The following FNBP1 variants were observed in gnomAD, a reference collection of about 807,000 sequenced individuals.
The protein encoded by FNBP1 is formin-binding protein 1.
A neutral mutation model predicts 90.6 loss-of-function variants in FNBP1; 26 were observed. The ratio of observed to expected loss-of-function variants is 0.29; its 90% confidence interval spans 0.21 to 0.40. FNBP1 has a LOEUF of 0.40. Ranked by LOEUF, FNBP1 falls within the 10% of genes least tolerant of loss-of-function variation. The pLI is 1.00. For synonymous variants in FNBP1, 260 were observed against 265.2 expected, an observed-to-expected ratio of 0.98 and a Z score of 0.19; for missense variants, 635 against 768.0, an observed-to-expected ratio of 0.83 and a Z score of 2.05.
chr9:129,924,873 G>T, intron 9 of FNBP1, 87 bp downstream of exon 9: 1 of 1,159,982 alleles, frequency 8.6e-7, no homozygotes, highest in Non-Finnish European at 1.2e-6. Context: ...GAAACTACAG[G>T]TTTAGGATCT....
At chr9:129,959,360 G>GGAGAATCACTTGAAC in intron 4 of FNBP1, among the ~76,000 whole-genome samples, 7 of 152,254 alleles carry the variant, frequency 4.6e-5, no homozygotes, top group African/African-American at 1.7e-4. Flanking sequence ...GGAGGCTGAA[G>GGAGAATCACTTGAAC]TGGGTGGATC....
intron 6 of FNBP1, among the ~76,000 whole-genome samples, chr9:129,955,830 A>AGT (rs1332777860): frequency 1.0e-4 from 8 of 77,262 alleles, no homozygotes; most frequent in Non-Finnish European, 7.4e-5. Flanking sequence ...TACTTCTTTT[A>AGT]GCGCGCACAC....
chr9:129,995,726 A>G (rs557277730), intron 1 of FNBP1, among the ~76,000 whole-genome samples: 3 of 152,348 alleles, frequency 2.0e-5, no homozygotes, highest in South Asian at 4.1e-4. Flanking sequence ...ATGCAAAGAC[A>G]TGGAGATATC....
At chr9:129,907,429 T>C (rs1215665501) in intron 12 of FNBP1, among the ~76,000 whole-genome samples, 1 of 152,210 alleles carries the variant, frequency 6.6e-6, no homozygotes, top group African/African-American at 2.4e-5. Flanking sequence ...AGAGCCAGAT[T>C]TGACCCCAGG....
intron 12 of FNBP1, among the ~76,000 whole-genome samples, chr9:129,903,816 C>A (rs2037434909): frequency 6.6e-6 from 1 of 152,086 alleles, no homozygotes; most frequent in Admixed American, 6.6e-5. Flanking sequence ...CAGGCATGAG[C>A]CACCGAATCT....
intron 4 of FNBP1, among the ~76,000 whole-genome samples, chr9:129,961,814 G>A (rs919250834): frequency 2.0e-5 from 3 of 152,240 alleles, no homozygotes; most frequent in Admixed American, 6.5e-5. Flanking sequence ...TCGAACTCCC[G>A]GCCTCAAGTG....
rs1248884010 is a variant in FNBP1, at chr9:130,043,042, T to G, written c.-67A>C. On this transcript the variant is annotated 5_prime_UTR_variant, in exon 1 of 17. Transcript: ENST00000446176. ...GCTCTCTGGTCCCCCTCCCCGGCGA[T>G]CCCTTTGCCCCCCGAGATCCCCGCG... 8.2e-7 allele frequency: 1 copy of G among 1,216,906 alleles called. No individual in the cohort carries two copies. Among genetic ancestry groups the G allele is most frequent in the Non-Finnish European group, 1.0e-6 (1 of 976,932 alleles). 75.4% of individuals were successfully genotyped at this position (1,216,906 alleles called of 1,614,324 possible).
At chr9:129,993,153 G>A (rs894768570) in intron 2 of FNBP1, among the ~76,000 whole-genome samples, 16 of 150,530 alleles carry the variant, frequency 1.1e-4, no homozygotes, top group Non-Finnish European at 2.4e-4. Flanking sequence ...CTTGAACCTG[G>A]GAGGCGGAGA....
intron 11 of FNBP1, chr9:129,914,793 A>ATATATATCTATC (rs1173294546): frequency 6.2e-6 from 1 of 161,448 alleles, no homozygotes; most frequent in African/African-American, 2.7e-5. Flanking sequence ...ATATATATAT[A>ATATATATCTATC]TCTCACCATA....
rs10988557 is a variant in FNBP1 at position 129,963,111 on chromosome 9, A to G, written c.346-4558T>C. ...GATTCAAAGACAGGAACAAAAAGAG[A>G]AAACCCCAGCACCAATTCAGAGCTG... is the stretch of plus-strand genomic sequence containing the variant. On this transcript the variant is annotated intron_variant, in intron 4 of 16. Transcript: ENST00000446176. Among the ~76,000 whole-genome samples the G allele has an allele frequency of 8.5e-3, 1,290 of 152,286 alleles. 8 individuals carry two copies. Among genetic ancestry groups the G allele is most frequent in the Non-Finnish European group, 0.014 (940 of 68,026 alleles).
chr9:129,963,634 T>TTAAA (rs139393699), intron 4 of FNBP1, among the ~76,000 whole-genome samples: 1 of 107,730 alleles, frequency 9.3e-6, no homozygotes, highest in African/African-American at 3.6e-5. Flanking sequence ...TTTTTTTTTT[T>TTAAA]AAAAAAACAA....
intron 1 of FNBP1, among the ~76,000 whole-genome samples, chr9:130,033,696 AAGTT>A (rs1272251751): frequency 6.6e-6 from 1 of 151,804 alleles, no homozygotes; most frequent in Non-Finnish European, 1.5e-5. Flanking sequence ...TTTTTTAAAA[AAGTT>A]AGCCAGGCCG....
chr9:129,894,727 T>TA (rs1223023181), intron 16 of FNBP1, among the ~76,000 whole-genome samples: 2 of 152,210 alleles, frequency 1.3e-5, no homozygotes, highest in Non-Finnish European at 2.9e-5. Flanking sequence ...CTCTGCCTTT[T>TA]AAGTAACTCC....
intron 6 of FNBP1, among the ~76,000 whole-genome samples, chr9:129,935,256 TG>T (rs1053068633): frequency 4.6e-5 from 7 of 151,718 alleles, no homozygotes; most frequent in African/African-American, 1.7e-4. Flanking sequence ...CCCCAAATGC[TG>T]GGATTACAGG....
At chr9:129,893,620 A>AAAAAAAAAAAAAAAAAAG (rs2035336997) in intron 16 of FNBP1, among the ~76,000 whole-genome samples, 1 of 125,750 alleles carries the variant, frequency 8.0e-6, no homozygotes, top group African/African-American at 3.1e-5. Context: ...CTCAAAAAAA[A>AAAAAAAAAAAAAAAAAAG]AAAAAAAAAA....
At chr9:129,927,956 C>T (rs895791667) in intron 7 of FNBP1, among the ~76,000 whole-genome samples, 1 of 152,082 alleles carries the variant, frequency 6.6e-6, no homozygotes, top group Non-Finnish European at 1.5e-5. Flanking sequence ...TTGTAATCTA[C>T]CTCAAACGTT....
upstream of FNBP1, among the ~76,000 whole-genome samples, chr9:130,044,317 T>TCTC (rs1348445945): frequency 2.6e-5 from 4 of 152,176 alleles, no homozygotes; most frequent in Non-Finnish European, 5.9e-5. Flanking sequence ...TGCTTATCAT[T>TCTC]CTCCTCCATT....
intron 1 of FNBP1, among the ~76,000 whole-genome samples, chr9:130,018,883 G>A (rs557406046): frequency 1.3e-5 from 2 of 152,220 alleles, no homozygotes; most frequent in East Asian, 3.9e-4. Flanking sequence ...TTTTAAGCAA[G>A]CAAGAATCAT....
intron 1 of FNBP1, among the ~76,000 whole-genome samples, chr9:130,011,010 A>C (rs2056485678): frequency 6.6e-6 from 1 of 150,634 alleles, no homozygotes; most frequent in South Asian, 2.1e-4. Flanking sequence ...ATAAGTAAAA[A>C]TCAGCCAAGC....
Sources: gnomAD v4.1 joint callset for allele counts (sites outside exome capture counted in the v4.1 genomes callset) on GRCh38, gnomAD v4.1.1 for gene constraint, MANE v1.5 for transcripts, NCBI Gene and HGNC (gene_info 2026-07-23, HGNC 2026-07-21) for gene names.